Variants in LINS1 observed in about 807,000 individuals in gnomAD.
LINS1 encodes the protein lines homolog 1.
Under a neutral mutation model 41.6 loss-of-function variants are expected in LINS1, and 27 were observed. That is an observed-to-expected ratio of 0.65 (90% CI 0.48 to 0.89). LINS1 has a LOEUF of 0.89. Among genes scored for constraint, LINS1 ranks in the 40% least tolerant of loss-of-function variants. The pLI is 0.00. For synonymous variants in LINS1, 336 were observed against 312.9 expected (o/e 1.07, Z -0.78); for missense variants, 955 against 884.1 (o/e 1.08, Z -1.02).
intron 3 of LINS1, among the ~76,000 whole-genome samples, chr15:100,578,308 TAACTC>T (rs1298087442): frequency 6.6e-6 from 1 of 151,950 alleles, no homozygotes; most frequent in Non-Finnish European, 1.5e-5. Flanking sequence ...AATCTACAAA[TAACTC>T]AAACAAATTT....
chr15:100,569,281 T>C lies in LINS1; in HGVS notation c.2231A>G (p.Lys744Arg), dbSNP rs1234621571. The change falls in exon 7 of 7, where the codon AAA (lysine) becomes AGA (arginine). Residue 744 changes from lysine to arginine, a missense_variant. By Grantham distance (26) the Lys-to-Arg change is conservative. Coordinates refer to ENST00000314742, the MANE Select transcript of LINS1 (RefSeq NM_001040616.3). ...TTTATTACTTATCACCTCTATGTAT[T>C]TTAACAACTTCAAAAGTGCAGTTGG... ...YNPTALLKLL[K>R]YIEVISNKTM... 1 of 1,609,542 alleles carries C rather than the reference T, an allele frequency of 6.2e-7. No individual in the cohort carries two copies. The highest frequency in any genetic ancestry group is 1.1e-5 in the South Asian group (1 of 90,970).
At chr15:100,574,881 ACTTT>A (rs1381459895) in intron 4 of LINS1, 102 bp downstream of exon 4, 33 of 1,171,300 alleles carry the variant, frequency 2.8e-5, no homozygotes, top group Non-Finnish European at 3.6e-5. Flanking sequence ...CTTTTTCATT[ACTTT>A]AAGACAGATC....
Position 100,568,134 on chromosome 15 carries a change from G to A in LINS1, c.*1104C>T, listed in dbSNP as rs533004656. On this transcript the variant is annotated 3_prime_UTR_variant, in exon 7 of 7. Coordinates refer to ENST00000314742, the MANE Select transcript of LINS1 (RefSeq NM_001040616.3). ...ATTATTCATGTCACAATTTTAAATA[G>A]GAAAATTAGTGATTAAATTTTTTTT... The A allele has an allele frequency of 7.3e-5, 9 of 123,758 alleles. No homozygotes were observed. In the East Asian group the frequency reaches 8.5e-4, roughly 12 times the overall value. 7.7% of individuals were successfully genotyped at this position (123,758 alleles called of 1,614,324 possible). A position where few individuals can be genotyped will look rare whatever the true frequency, so the allele number is the denominator to read the frequency against.
intron 5 of LINS1, chr15:100,573,111 C>G (rs7174482): frequency 0.39 from 59,979 of 154,570 alleles, 12,262 homozygotes; most frequent in Non-Finnish European, 0.47. Context: ...ATCTCTCTGT[C>G]TTCTCCTCTC....
At chr15:100,596,538 T>A (rs1313518511) in intron 1 of LINS1, among the ~76,000 whole-genome samples, 1 of 152,220 alleles carries the variant, frequency 6.6e-6, no homozygotes, top group East Asian at 1.9e-4. Flanking sequence ...GATATACTGG[T>A]AACAGCCTGA....
At chr15:100,595,116 A>T (rs1167925305) in intron 1 of LINS1, among the ~76,000 whole-genome samples, 1 of 152,202 alleles carries the variant, frequency 6.6e-6, no homozygotes, top group Non-Finnish European at 1.5e-5. Context: ...ATGTAGGAAA[A>T]ATCTTAGGCA....
intron 3 of LINS1, among the ~76,000 whole-genome samples, chr15:100,575,586 C>T (rs954996861): frequency 6.6e-6 from 1 of 152,176 alleles, no homozygotes; most frequent in Non-Finnish European, 1.5e-5. Context: ...GAGACTTTAA[C>T]ACCCCACTGT....
At chr15:100,596,648 T>G (rs1284033191) in intron 1 of LINS1, among the ~76,000 whole-genome samples, 1 of 152,182 alleles carries the variant, frequency 6.6e-6, no homozygotes. Context: ...ATCATTTCTT[T>G]TCTAACAAAA....
At chr15:100,585,668 G>GTGTACA (rs1392500233) in intron 1 of LINS1, among the ~76,000 whole-genome samples, 1 of 152,124 alleles carries the variant, frequency 6.6e-6, no homozygotes, top group Non-Finnish European at 1.5e-5. Context: ...GTTCGTGTAT[G>GTGTACA]TGTACATGTA....
At chr15:100,581,919 A>G (rs2038562755) in intron 1 of LINS1, among the ~76,000 whole-genome samples, 1 of 152,206 alleles carries the variant, frequency 6.6e-6, no homozygotes, top group South Asian at 2.1e-4. Context: ...TTCCCTTAGT[A>G]ATAAGGTAAA....
chr15:100,580,892 A>T lies in LINS1; in HGVS notation c.-50T>A. 1 of 1,524,592 alleles carries T rather than the reference A, an allele frequency of 6.6e-7. No individual in the cohort carries two copies. Among genetic ancestry groups the T allele is most frequent in the South Asian group, 1.2e-5 (1 of 86,236 alleles). 94.4% of individuals were successfully genotyped at this position (1,524,592 alleles called of 1,614,324 possible). On this transcript the variant is annotated 5_prime_UTR_variant, in exon 2 of 7. Transcript: ENST00000314742. The stretch of plus-strand genomic sequence containing the variant: ...AAGAAGGTCGACAACTCCAAGTTGT[A>T]AACATTAAATCTCAGAAGTGCAATG...
chr15:100,596,640 C>A (rs1400811474), intron 1 of LINS1, among the ~76,000 whole-genome samples: 1 of 152,196 alleles, frequency 6.6e-6, no homozygotes, highest in African/African-American at 2.4e-5. Flanking sequence ...GCCCCCAAAT[C>A]ATTTCTTTTC....
chr15:100,572,408 C>T (rs926137628), intron 5 of LINS1: 29 of 1,122,392 alleles, frequency 2.6e-5, no homozygotes, highest in Middle Eastern at 8.1e-4. Context: ...ATCACTTCAT[C>T]GGATGCCAGA....
At chr15:100,600,252 T>C (rs997454683) in intron 1 of LINS1, among the ~76,000 whole-genome samples, 2 of 152,138 alleles carry the variant, frequency 1.3e-5, no homozygotes, top group African/African-American at 4.8e-5. Flanking sequence ...ATTTCAAAGT[T>C]AAACTTTCCT....
Position 100,568,242 on chromosome 15 carries a change from GCTTT to G in LINS1, c.*992_*995del, listed in dbSNP as rs1567707583. ...TAAGATTTTACATTTGTAATATATC[GCTTT>G]CTGTGTAAATACCCCAGAAGGAAAT... On this transcript the variant is annotated 3_prime_UTR_variant, in exon 7 of 7. Coordinates refer to ENST00000314742, the MANE Select transcript of LINS1 (RefSeq NM_001040616.3). 1 of 152,026 alleles carries G rather than the reference GCTTT, an allele frequency of 6.6e-6. No individual in the cohort carries two copies. Among genetic ancestry groups the G allele is most frequent in the Non-Finnish European group, 1.5e-5 (1 of 68,018 alleles). The allele number at this position is 152,026 out of a possible 1,614,324, so 9.4% of individuals were successfully genotyped here. A position where few individuals can be genotyped will look rare whatever the true frequency, so the allele number is the denominator to read the frequency against.
intron 5 of LINS1, chr15:100,572,438 A>T: frequency 9.4e-7 from 1 of 1,059,910 alleles, no homozygotes; most frequent in African/African-American, 1.7e-5. Flanking sequence ...CCAAGAATGC[A>T]ACCAAGCAAA....
intron 1 of LINS1, among the ~76,000 whole-genome samples, chr15:100,583,642 C>T (rs1023834753): frequency 6.6e-6 from 1 of 152,196 alleles, no homozygotes; most frequent in Non-Finnish European, 1.5e-5. Context: ...CAGAAAGGAC[C>T]AACCTACTGT....
intron 1 of LINS1, among the ~76,000 whole-genome samples, chr15:100,587,981 C>A (rs1454479349): frequency 1.3e-5 from 2 of 152,176 alleles, no homozygotes; most frequent in Non-Finnish European, 2.9e-5. Context: ...GGCAAAAGGG[C>A]AAGAATTTCT....
chr15:100,581,435 T>C (rs951077950), intron 1 of LINS1, among the ~76,000 whole-genome samples: 1 of 152,344 alleles, frequency 6.6e-6, no homozygotes, highest in Non-Finnish European at 1.5e-5. Context: ...TGAGAACCAC[T>C]GAGCTAATTC....
Sources: allele counts gnomAD v4.1 joint callset (sites outside exome capture counted in the v4.1 genomes callset), GRCh38; gene constraint gnomAD v4.1.1; transcripts MANE v1.5; gene names NCBI Gene and HGNC (gene_info 2026-07-23, HGNC 2026-07-21).